The following ANKMY2 variants were observed in gnomAD, a reference collection of about 807,000 sequenced individuals.
ANKMY2 encodes the protein ankyrin repeat and MYND domain containing 2.
Under a neutral mutation model 50.4 loss-of-function variants are expected in ANKMY2, and 36 were observed. That is an observed-to-expected ratio of 0.71 (90% CI 0.55 to 0.94). ANKMY2 has a LOEUF of 0.94. Among genes scored for constraint, ANKMY2 ranks in the 40% least tolerant of loss-of-function variants. ANKMY2 has a pLI of 0.00. For synonymous variants in ANKMY2, 187 were observed against 178.8 expected, an observed-to-expected ratio of 1.05 and a Z score of -0.36; for missense variants, 565 against 524.0, an observed-to-expected ratio of 1.08 and a Z score of -0.76.
chr7:16,639,288 T>A (rs1198501756), intron 1 of ANKMY2, among the ~76,000 whole-genome samples: 2 of 152,208 alleles, frequency 1.3e-5, no homozygotes, highest in Admixed American at 1.3e-4. Context: ...TGCTTTATTC[T>A]GGGAAATAAA....
intron 4 of ANKMY2, among the ~76,000 whole-genome samples, chr7:16,621,892 C>G (rs1390149388): frequency 1.3e-5 from 2 of 151,928 alleles, no homozygotes; most frequent in Admixed American, 6.6e-5. Context: ...TCGTTTGAAC[C>G]CAGGAGGTGG....
rs1781335504 is a variant in ANKMY2, at chr7:16,615,782, G to A, written c.493C>T (p.His165Tyr). The part of the protein sequence containing the change: ...KLPPKLAGPL[H>Y]KIITTTNLHP... ...AGATTCGTTGTGGTGATAATTTTGT[G>A]CAGCGGGCCTGCCAACTTTGGGGGC... The change falls in exon 5 of 10, where the codon CAC becomes TAC. Residue 165 changes from histidine (H) to tyrosine (Y), a missense_variant. Physicochemically the swap from His to Tyr is moderately conservative, Grantham distance 83. Transcript: ENST00000306999. 6.2e-7 allele frequency: 1 copy of A among 1,614,218 alleles called. No individual in the cohort carries two copies. Among genetic ancestry groups the A allele is most frequent in the Non-Finnish European group, 8.5e-7 (1 of 1,180,030 alleles).
chr7:16,607,109 A>G (rs535249806), intron 7 of ANKMY2, among the ~76,000 whole-genome samples: 8 of 152,376 alleles, frequency 5.3e-5, no homozygotes, highest in South Asian at 2.1e-4. Flanking sequence ...TGTGATACGC[A>G]CAATCACAGG....
intron 3 of ANKMY2, among the ~76,000 whole-genome samples, chr7:16,625,505 G>A (rs186367419): frequency 2.0e-5 from 3 of 152,200 alleles, no homozygotes; most frequent in East Asian, 1.9e-4. Context: ...TAACCACTGG[G>A]CATCTATCTT....
chr7:16,626,515 G>A (rs1781508967), intron 3 of ANKMY2, among the ~76,000 whole-genome samples: 1 of 152,126 alleles, frequency 6.6e-6, no homozygotes, highest in Non-Finnish European at 1.5e-5. Flanking sequence ...TATTACTTCT[G>A]TATTTTTCAA....
chr7:16,645,486 G>C (rs772278456), intron 1 of ANKMY2, 21 bp downstream of exon 1: 1 of 1,592,580 alleles, frequency 6.3e-7, no homozygotes, highest in Admixed American at 1.8e-5. Context: ...CCGCGGCCGC[G>C]TCGCAGCCCA....
intron 2 of ANKMY2, among the ~76,000 whole-genome samples, chr7:16,631,763 C>T (rs909464076): frequency 2.0e-5 from 3 of 151,848 alleles, no homozygotes; most frequent in Admixed American, 6.6e-5. Context: ...TACAGGCGCC[C>T]GCCACCACGC....
rs1403566645 is a variant in ANKMY2, at chr7:16,610,615, C to T, written c.680G>A (p.Cys227Tyr). 1 of 1,613,920 alleles carries T rather than the reference C, an allele frequency of 6.2e-7. No individual in the cohort carries two copies. Among genetic ancestry groups the T allele is most frequent in the Non-Finnish European group, 8.5e-7 (1 of 1,179,886 alleles). The change falls in exon 6 of 10, where the codon TGT becomes TAT. Residue 227 changes from cysteine (C) to tyrosine (Y), a missense_variant. Coordinates refer to ENST00000306999, the MANE Select transcript of ANKMY2 (RefSeq NM_020319.3). ...VLAMKMHYIS[C>Y]IFQKCINFLK... ...GAAGTTAATGCATTTCTGAAAGATACAGCTTATGTAATGCATCTTCATAGC... is the reference window on the plus strand; with the variant it reads ...GAAGTTAATGCATTTCTGAAAGATATAGCTTATGTAATGCATCTTCATAGC...
At chr7:16,626,226 C>T (rs1400403449) in intron 3 of ANKMY2, among the ~76,000 whole-genome samples, 2 of 152,088 alleles carry the variant, frequency 1.3e-5, no homozygotes, top group Admixed American at 6.5e-5. Flanking sequence ...GCAATCAGCC[C>T]GCCTTGGCCT....
At chr7:16,602,197 T>C (rs556012461) in intron 9 of ANKMY2, among the ~76,000 whole-genome samples, 183 bp downstream of exon 9, 22 of 152,174 alleles carry the variant, frequency 1.4e-4, no homozygotes, top group Non-Finnish European at 2.6e-4. Context: ...TCCAGTGATG[T>C]CCAGGCTGAC....
At chr7:16,631,637 C>CA (rs1217199766) in intron 2 of ANKMY2, among the ~76,000 whole-genome samples, 1 of 147,636 alleles carries the variant, frequency 6.8e-6, no homozygotes, top group Non-Finnish European at 1.5e-5. Context: ...TTTTTTGAGA[C>CA]AGAGTCTCAC....
intron 2 of ANKMY2, among the ~76,000 whole-genome samples, chr7:16,635,600 T>C (rs535745323): frequency 6.6e-6 from 1 of 152,304 alleles, no homozygotes; most frequent in African/African-American, 2.4e-5. Context: ...ATTTGAAGTG[T>C]TTAATGGTCA....
chr7:16,611,602 T>C (rs479202), intron 5 of ANKMY2, among the ~76,000 whole-genome samples: 60,186 of 151,982 alleles, frequency 0.4, 12,209 homozygotes, highest in East Asian at 0.59. Context: ...CTAGAGAGAA[T>C]AGGGGTGGGT....
chr7:16,631,109 T>C (rs1233630898), intron 2 of ANKMY2, among the ~76,000 whole-genome samples: 1 of 152,230 alleles, frequency 6.6e-6, no homozygotes, highest in African/African-American at 2.4e-5. Context: ...CCTAATTTGT[T>C]AGTTTATACC....
intron 1 of ANKMY2, among the ~76,000 whole-genome samples, chr7:16,642,550 T>A (rs1447568860): frequency 6.6e-6 from 1 of 152,130 alleles, no homozygotes; most frequent in East Asian, 1.9e-4. Flanking sequence ...TATTTCAGAT[T>A]GACCAAGATG....
At chr7:16,613,935 A>AAG (rs1554401034) in intron 5 of ANKMY2, among the ~76,000 whole-genome samples, 2 of 151,886 alleles carry the variant, frequency 1.3e-5, no homozygotes, top group Non-Finnish European at 2.9e-5. Flanking sequence ...AAAAAAAAAA[A>AAG]AAAAATTCCA....
rs1439376559 is a variant in ANKMY2 at position 16,610,627 on chromosome 7, T to C, written c.668A>G (p.His223Arg). The change falls in exon 6 of 10, where the codon CAT becomes CGT. Residue 223 changes from histidine to arginine, a missense_variant. His to Arg is a conservative substitution (Grantham distance 29). Coordinates refer to ENST00000306999, the MANE Select transcript of ANKMY2 (RefSeq NM_020319.3). ...DMNEVLAMKM[H>R]YISCIFQKCI... Reference sequence around the variant, plus strand: ...TTTCTGAAAGATACAGCTTATGTAATGCATCTTCATAGCCAATACTTCATT... The same window carrying C: ...TTTCTGAAAGATACAGCTTATGTAACGCATCTTCATAGCCAATACTTCATT... 11 of 1,613,912 alleles carry C rather than the reference T, an allele frequency of 6.8e-6. No individual in the cohort carries two copies. Among genetic ancestry groups the C allele is most frequent in the Non-Finnish European group, 9.3e-6 (11 of 1,179,928 alleles).
At chr7:16,637,942 G>C (rs1781690535) in intron 1 of ANKMY2, among the ~76,000 whole-genome samples, 1 of 152,166 alleles carries the variant, frequency 6.6e-6, no homozygotes. Context: ...TAAACATTTG[G>C]CTCTCATTAG....
At chr7:16,603,755 G>C in intron 8 of ANKMY2, 1 of 468,400 alleles carries the variant, frequency 2.1e-6, no homozygotes, top group Non-Finnish European at 4.4e-6. Flanking sequence ...TAGTCCTTGA[G>C]AGGTCTTCTG....
Sources: gnomAD v4.1 joint callset for allele counts (sites outside exome capture counted in the v4.1 genomes callset) on GRCh38, gnomAD v4.1.1 for gene constraint, MANE v1.5 for transcripts, NCBI Gene and HGNC (gene_info 2026-07-23, HGNC 2026-07-21) for gene names.